Variants in THBS3 observed in about 807,000 individuals in gnomAD.
THBS3 encodes the protein thrombospondin 3, also known as thrombospondin-3.
A neutral mutation model predicts 118.3 loss-of-function variants in THBS3; 78 were observed. The ratio of observed to expected loss-of-function variants is 0.66; its 90% CI spans 0.55 to 0.80. The LOEUF (loss-of-function observed/expected upper bound fraction) is 0.80. Ranked by LOEUF, THBS3 falls within the 30% of genes least tolerant of loss-of-function variation. THBS3 has a pLI of 0.00. For synonymous variants in THBS3, 427 were observed against 475.3 expected, an observed-to-expected ratio of 0.90 and a Z score of 1.32; for missense variants, 1,057 against 1,247.4, an observed-to-expected ratio of 0.85 and a Z score of 2.30.
rs779160878 is a variant in THBS3, at chr1:155,202,394, T to C, written c.965A>G (p.His322Arg). The C allele has an allele frequency of 6.2e-7, 1 of 1,613,888 alleles. No individual in the cohort carries two copies. Among genetic ancestry groups the C allele is most frequent in the Non-Finnish European group, 8.5e-7 (1 of 1,179,996 alleles). ...GGAGCCCGGGAAACAGGGGTCAGCG[T>C]GAGCACACTGGGGACCAGATGAGAA... ...THCSDINECA[H>R]ADPCFPGSSC... The change falls in exon 9 of 23, where the codon CAC (histidine) becomes CGC (arginine). Residue 322 changes from histidine to arginine, a missense_variant. Physicochemically the swap from His to Arg is conservative, Grantham distance 29. Coordinates refer to ENST00000368378, the MANE Select transcript of THBS3 (RefSeq NM_007112.5). This position sits in a 1 kb window ranked among gnomAD's most constrained non-coding sequence, Gnocchi z 5.5.
chr1:155,207,850 G>A lies in THBS3; in HGVS notation c.27C>T (p.Ala9=), dbSNP rs1434325269. METQELRG[A]LALLLLCFFT... Reference sequence around the variant, plus strand: ...AAAAGCAAAGGAGGAGAAGAGCCAGGGCCCCCCGAAGTTCCTGCGTCTCCA... The same window carrying A: ...AAAAGCAAAGGAGGAGAAGAGCCAGAGCCCCCCGAAGTTCCTGCGTCTCCA... The change falls in exon 1 of 23, where the codon GCC becomes GCT. Residue 9 remains alanine (A), a synonymous_variant. Coordinates refer to ENST00000368378, the MANE Select transcript of THBS3 (RefSeq NM_007112.5). The A allele has an allele frequency of 6.2e-7, 1 of 1,614,014 alleles. No homozygotes were observed. Among genetic ancestry groups the A allele is most frequent in the Non-Finnish European group, 8.5e-7 (1 of 1,180,006 alleles).
Position 155,198,079 on chromosome 1 carries a change from T to G in THBS3, c.2216A>C (p.Asp739Ala). The change falls in exon 18 of 23, where the codon GAT (aspartate) becomes GCT (alanine). Residue 739 changes from aspartate (D) to alanine (A), a missense_variant. Transcript: ENST00000368378. ...AACCCAGTTTGGGTCAATCTGAGCA[T>G]CACCCTCAGGATCCAGGACGACGGT... ...YQTVVLDPEG[D>A]AQIDPNWVVL... 1.2e-6 allele frequency: 2 copies of G among 1,614,174 alleles called. No individual in the cohort carries two copies. Among genetic ancestry groups the G allele is most frequent in the Non-Finnish European group, 1.7e-6 (2 of 1,180,032 alleles).
intron 16 of THBS3, 84 bp from the exon 17 acceptor site, chr1:155,198,686 C>A (rs1669111400): frequency 7.1e-7 from 1 of 1,415,494 alleles, no homozygotes; most frequent in African/African-American, 1.4e-5. Context: ...GTCTCTGGAG[C>A]CTGCTCTCCA....
rs1428186518 is a variant in THBS3 at position 155,200,498 on chromosome 1, T to A, written c.1661A>T (p.Asp554Val). ...NVPNNDQKDT[D>V]GNGEGDACDN... Reference sequence around the variant, plus strand: ...ACAGGCATCTCCTTCCCCATTGCCATCTGTGTCCTTCTGGTCATTGTTGGG... The same window carrying A: ...ACAGGCATCTCCTTCCCCATTGCCAACTGTGTCCTTCTGGTCATTGTTGGG... The change falls in exon 14 of 23, where the codon GAT becomes GTT. Residue 554 changes from aspartate to valine, a missense_variant. Around this residue, in one of 3 missense-constraint regions of THBS3, gnomAD observed 544 missense variants for 715.6 expected, o/e 0.76. Coordinates refer to ENST00000368378, the MANE Select transcript of THBS3 (RefSeq NM_007112.5). 1 of 1,614,168 alleles carries A rather than the reference T, an allele frequency of 6.2e-7. No individual in the cohort carries two copies. Among genetic ancestry groups the A allele is most frequent in the Non-Finnish European group, 8.5e-7 (1 of 1,180,032 alleles).
chr1:155,198,826 G>T lies in THBS3; in HGVS notation c.1881-224C>A, dbSNP rs888542658. On this transcript the variant is annotated intron_variant, in intron 16 of 22. Transcript: ENST00000368378. ...AAGGCTAAATCATAGAAGGAATTTA[G>T]AATATACTATGGCCTGGGCACAGTG... The T allele has an allele frequency of 9.2e-6, 5 of 545,368 alleles. No homozygotes were observed. In the African/African-American group the frequency reaches 9.4e-5, roughly 10 times the overall value. 33.8% of individuals were successfully genotyped at this position (545,368 alleles called of 1,614,324 possible). A position where few individuals can be genotyped will look rare whatever the true frequency, so the allele number is the denominator to read the frequency against.
chr1:155,207,984 C>A (rs1339288015), upstream of THBS3: 2 of 899,634 alleles, frequency 2.2e-6, no homozygotes, highest in South Asian at 3.3e-5. Context: ...GGAGGGGGGG[C>A]CAGCAGGCGG....
chr1:155,196,220 C>T, intron 21 of THBS3, 94 bp from the exon 22 acceptor site: 2 of 1,434,242 alleles, frequency 1.4e-6, no homozygotes, highest in South Asian at 1.3e-5. Flanking sequence ...TCCCCAGCCC[C>T]CCTTGAGCTC....
At position 155,206,153 on chromosome 1, in the gene THBS3, T is replaced by G; in HGVS notation, c.286+47A>C. ...CTTGGGAAGTAGGGATGAGGGAGAG[T>G]GCTTAAGGAGGTCACCATTGCAAGA... On this transcript the variant is annotated intron_variant, in intron 2 of 22. Coordinates refer to ENST00000368378, the MANE Select transcript of THBS3 (RefSeq NM_007112.5). This position sits in a 1 kb window ranked among gnomAD's most constrained non-coding sequence, Gnocchi z 4.2. 9 of 1,599,584 alleles carry G rather than the reference T, an allele frequency of 5.6e-6. No individual in the cohort carries two copies. Among genetic ancestry groups the G allele is most frequent in the Non-Finnish European group, 6.8e-6 (8 of 1,170,304 alleles).
At chr1:155,201,840 CTG>C in intron 10 of THBS3, 115 bp downstream of exon 10, 1 of 1,445,392 alleles carries the variant, frequency 6.9e-7, no homozygotes, top group South Asian at 1.2e-5. Flanking sequence ...AACACCTAAT[CTG>C]TGTAGTGCCC....
Position 155,206,778 on chromosome 1 carries a change from GT to G in THBS3, c.80-373del, listed in dbSNP as rs1052680782. ...ACTCGCTTGAACCTGAGAGGTGGAG[GT>G]TGCAGTGAGCCGAGATCGCGCCATT... On this transcript the variant is annotated intron_variant, in intron 1 of 22. Transcript: ENST00000368378. The surrounding 1 kb of genome is among the most constrained non-coding windows in gnomAD (Gnocchi z 4.2). Among the ~76,000 whole-genome samples the G allele has an allele frequency of 5.3e-5, 8 of 152,130 alleles. No homozygotes were observed. Among genetic ancestry groups the G allele is most frequent in the Non-Finnish European group, 1.2e-4 (8 of 68,020 alleles).
chr1:155,196,320 C>CT, intron 21 of THBS3, 194 bp from the exon 22 acceptor site: 1 of 612,632 alleles, frequency 1.6e-6, no homozygotes, highest in Non-Finnish European at 2.8e-6. Flanking sequence ...GCCCCTAGCT[C>CT]TTTGTCCAGC....
chr1:155,199,327 G>A (rs1350003034), intron 16 of THBS3, among the ~76,000 whole-genome samples: 4 of 150,776 alleles, frequency 2.7e-5, no homozygotes, highest in Admixed American at 6.6e-5. Flanking sequence ...GAAGAATGGC[G>A]TGAACTCGGG....
chr1:155,200,572 G>A lies in THBS3; in HGVS notation c.1587C>T (p.Asn529=), dbSNP rs781061753. Residue 529 remains asparagine (N), a synonymous_variant, in exon 14 of 23, where the codon AAC becomes AAT. Transcript: ENST00000368378. The part of the protein sequence containing the change: ...CRLFPNKDQQ[N]SDTDSFGDAC... ...CATCACCAAATGAATCTGTATCTGAGTTCTGCTGGTCTTTGTTGGGGAACA... is the reference window on the plus strand; with the variant it reads ...CATCACCAAATGAATCTGTATCTGAATTCTGCTGGTCTTTGTTGGGGAACA... 51 of 1,614,172 alleles carry A rather than the reference G, an allele frequency of 3.2e-5. No individual in the cohort carries two copies. Among genetic ancestry groups the A allele is most frequent in the Non-Finnish European group, 4.3e-5 (51 of 1,180,032 alleles).
chr1:155,201,400 C>T lies in THBS3; in HGVS notation c.1329+17G>A. 1 of 1,587,492 alleles carries T rather than the reference C, an allele frequency of 6.3e-7. No individual in the cohort carries two copies. Among genetic ancestry groups the T allele is most frequent in the Non-Finnish European group, 8.6e-7 (1 of 1,166,228 alleles). On this transcript the variant is annotated intron_variant, in intron 11 of 22. Transcript: ENST00000368378. Reference sequence around the variant, plus strand: ...CCAGACCCTCCCTTTTCCTTCCACGCCTGAAGCCTAGCTCACCTGGCAGGA... The same window carrying T: ...CCAGACCCTCCCTTTTCCTTCCACGTCTGAAGCCTAGCTCACCTGGCAGGA...
rs148689308 is a variant in THBS3 at position 155,201,151 on chromosome 1, G to A, written c.1383C>T (p.Ile461=). The A allele has an allele frequency of 4.4e-5, 71 of 1,614,134 alleles. No individual in the cohort carries two copies. In the African/African-American group the frequency reaches 4.5e-4, roughly 10 times the overall value. ...GCAGTGCTTGGTCTGGGTAGCCATC[G>A]ATGTCTGTGTCAGTCCCACACACGT... is the stretch of plus-strand genomic sequence containing the variant. ...NGNVCGTDTD[I]DGYPDQALPC... Residue 461 remains isoleucine (I), a synonymous_variant, in exon 12 of 23, where the codon ATC becomes ATT. Transcript: ENST00000368378.
rs956396963 is a variant in THBS3, at chr1:155,206,601, G to C, written c.80-195C>G. ...AGGTTGAGGCAGGTGGATCGCCTAA[G>C]GTCAGGAGTTCGAGACCAGCCTGGC... On this transcript the variant is annotated intron_variant, in intron 1 of 22. Transcript: ENST00000368378. The surrounding 1 kb of genome is among the most constrained non-coding windows in gnomAD (Gnocchi z 4.2). 6.6e-6 allele frequency among the ~76,000 whole-genome samples: 1 copy of C among 151,892 alleles called. No individual in the cohort carries two copies. Among genetic ancestry groups the C allele is most frequent in the African/African-American group, 2.4e-5 (1 of 41,316 alleles).
In THBS3 at chr1:155,197,504, T is replaced by C; in HGVS notation, c.2458A>G (p.Thr820Ala). 6.2e-7 allele frequency: 1 copy of C among 1,614,014 alleles called. No homozygotes were observed. The highest frequency in any genetic ancestry group is 8.5e-7 in the Non-Finnish European group (1 of 1,180,014). ...GGCTGGGCAACCGCCCGGAAGGGTG[T>C]AGCCTGCCAGTAGGTCTGCTCGGTC... ...KQTEQTYWQA[T>A]PFRAVAQPGL... The change falls in exon 20 of 23, where the codon ACA (threonine) becomes GCA (alanine). Residue 820 changes from threonine to alanine, a missense_variant. Physicochemically the swap from Thr to Ala is moderately conservative, Grantham distance 58. Transcript: ENST00000368378. The surrounding 1 kb of genome is among the most constrained non-coding windows in gnomAD (Gnocchi z 5.0).
At chr1:155,203,375 C>T in intron 5 of THBS3, 70 bp from the exon 6 acceptor site, 1 of 1,591,190 alleles carries the variant, frequency 6.3e-7, no homozygotes, top group Non-Finnish European at 8.6e-7. Flanking sequence ...GGGCAATAAG[C>T]CAGTACCTGC....
At chr1:155,200,230 G>T in intron 14 of THBS3, 117 bp from the exon 15 acceptor site, 1 of 1,089,886 alleles carries the variant, frequency 9.2e-7, no homozygotes, top group Non-Finnish European at 1.3e-6. Flanking sequence ...CAGGAAATCT[G>T]CCTGTTTCTT....
Sources: allele counts gnomAD v4.1 joint callset (sites outside exome capture counted in the v4.1 genomes callset), GRCh38; gene constraint gnomAD v4.1.1; regional missense constraint gnomAD v4.1.1; non-coding constraint Gnocchi (gnomAD v3.1); transcripts MANE v1.5; gene names NCBI Gene and HGNC (gene_info 2026-07-23, HGNC 2026-07-21).